The following PSG6 variants were observed in gnomAD, a reference collection of about 807,000 sequenced individuals.
PSG6 encodes pregnancy-specific beta-1-glycoprotein 6.
A neutral mutation model predicts 43.3 loss-of-function variants in PSG6; 51 were observed. The observed-to-expected ratio is 1.18, with a 90% CI of 0.94 to 1.49. PSG6 has a LOEUF of 1.49. Ranked by LOEUF, PSG6 falls within the 40% of genes most tolerant of loss-of-function variation. The pLI, the probability that PSG6 is intolerant of heterozygous loss-of-function variation, is 0.00. For missense variants in PSG6, 770 were observed against 522.2 expected (o/e 1.47, Z -4.62); for synonymous variants, 292 against 197.6 (o/e 1.48, Z -4.01).
At chr19:42,903,541 C>G (rs1972066581) in intron 5 of PSG6, 2 of 1,304,264 alleles carry the variant, frequency 1.5e-6, no homozygotes, top group African/African-American at 1.5e-5. Context: ...AAATTGACAA[C>G]CATTAACTAG....
rs1748908666 is a variant in PSG6, at chr19:42,917,865, C to G, written c.-73G>C. On this transcript the variant is annotated 5_prime_UTR_variant, in exon 1 of 6. Transcript: ENST00000187910. ...CCAGAGACTTCCTGAGCAGGGCTGTCAGGTGTGCTGTCCTTCCTCCTTCTG... is the reference window on the plus strand; with the variant it reads ...CCAGAGACTTCCTGAGCAGGGCTGTGAGGTGTGCTGTCCTTCCTCCTTCTG... The G allele has an allele frequency of 2.6e-6, 4 of 1,543,258 alleles. No individual in the cohort carries two copies. In the South Asian group the frequency reaches 3.6e-5, roughly 14 times the overall value.
rs1063014 is a variant in PSG6 at position 42,906,692 on chromosome 19, C to T, written c.1240+230G>A. The stretch of plus-strand genomic sequence containing the variant: ...CACATAGGGCTCAGGGCTGATAAAG[C>T]CCCCTCCCTACCTTTCTCAGGCCAG... On this transcript the variant is annotated intron_variant, in intron 5 of 5. Coordinates refer to ENST00000187910, the MANE Select transcript of PSG6 (RefSeq NM_001031850.4). 2.3e-5 allele frequency: 33 copies of T among 1,452,442 alleles called. 1 individual carries two copies. The highest frequency in any genetic ancestry group is 2.8e-5 in the Non-Finnish European group (31 of 1,093,948). The allele number at this position is 1,452,442 out of a possible 1,614,324, so 90.0% of individuals were successfully genotyped here.
Position 42,907,862 on chromosome 19 carries a change from G to T in PSG6, c.707-8C>A. 1.9e-6 allele frequency: 3 copies of T among 1,609,394 alleles called. No individual in the cohort carries two copies. Among genetic ancestry groups the T allele is most frequent in the Non-Finnish European group, 2.5e-6 (3 of 1,178,516 alleles). Reference sequence around the variant, plus strand: ...AAGGCATGGGCAGCTTCGCTGTGTGGATAACAGAAGATTGTCCTGTGTGGC... The same window carrying T: ...AAGGCATGGGCAGCTTCGCTGTGTGTATAACAGAAGATTGTCCTGTGTGGC... On this transcript the variant is annotated splice_region_variant and splice_polypyrimidine_tract_variant and intron_variant, in intron 3 of 5. Transcript: ENST00000187910.
intron 4 of PSG6, 112 bp from the exon 5 acceptor site, chr19:42,907,288 A>C: frequency 6.6e-7 from 1 of 1,503,782 alleles, no homozygotes; most frequent in Non-Finnish European, 8.9e-7. Flanking sequence ...CTCAAGTGAC[A>C]GCCAAATCCC....
chr19:42,903,622 G>A, intron 5 of PSG6: 1 of 1,463,634 alleles, frequency 6.8e-7, no homozygotes, highest in Non-Finnish European at 9.0e-7. Flanking sequence ...TGAGCATGGT[G>A]GGTCATGTTT....
At chr19:42,914,044 A>T (rs931281586) in intron 2 of PSG6, among the ~76,000 whole-genome samples, 1 of 151,582 alleles carries the variant, frequency 6.6e-6, no homozygotes, top group Admixed American at 6.6e-5. Flanking sequence ...ATTTTATTTT[A>T]TATTTTTTTG....
Position 42,907,049 on chromosome 19 carries a change from A to G in PSG6, c.1113T>C (p.Phe371=), listed in dbSNP as rs2122623476. 1 of 1,612,684 alleles carries G rather than the reference A, an allele frequency of 6.2e-7. No individual in the cohort carries two copies. Among genetic ancestry groups the G allele is most frequent in the East Asian group, 2.2e-5 (1 of 44,820 alleles). ...TAAAGAGCTTTTGTCCTGATAGCTG[A>G]AACTTCCCATTAATTGTCCAAGAAT... ...AEYSWTINGK[F]QLSGQKLFIP... is the part of the protein sequence containing the mutation. The change falls in exon 5 of 6, where the codon TTT becomes TTC. Residue 371 remains phenylalanine, a synonymous_variant. Coordinates refer to ENST00000187910, the MANE Select transcript of PSG6 (RefSeq NM_001031850.4).
rs1372361950 is a variant in PSG6 at position 42,906,944 on chromosome 19, T to C, written c.1218A>G (p.Lys406=). The C allele has an allele frequency of 1.2e-6, 2 of 1,612,174 alleles. No homozygotes were observed. The highest frequency in any genetic ancestry group is 1.7e-5 in the Admixed American group (1 of 59,868). ...RNSATGKEIS[K]SMIVKVSGPC... The stretch of plus-strand genomic sequence containing the variant: ...TACCAGAGACTTTGACTATCATGGA[T>C]TTGGAGATTTCCTTGCCAGTGGCTG... The change falls in exon 5 of 6, where the codon AAA becomes AAG. Residue 406 remains lysine, a synonymous_variant. Coordinates refer to ENST00000187910, the MANE Select transcript of PSG6 (RefSeq NM_001031850.4).
intron 2 of PSG6, among the ~76,000 whole-genome samples, chr19:42,914,790 C>A (rs915829167): frequency 6.6e-6 from 1 of 151,552 alleles, no homozygotes; most frequent in Non-Finnish European, 1.5e-5. Context: ...TCTCACTGGG[C>A]CTGTGCTGAG....
At chr19:42,906,841 A>G (rs1972120594) in intron 5 of PSG6, 81 bp downstream of exon 5, 1 of 1,609,190 alleles carries the variant, frequency 6.2e-7, no homozygotes, top group East Asian at 2.2e-5. Context: ...CTGGGAATAC[A>G]AATGTTTTCC....
chr19:42,913,034 C>G (rs1335075355), intron 2 of PSG6, among the ~76,000 whole-genome samples: 3 of 151,720 alleles, frequency 2.0e-5, no homozygotes, highest in Non-Finnish European at 2.9e-5. Context: ...TTTTTCCCCA[C>G]TCTTTTTGAG....
Position 42,916,190 on chromosome 19 carries a change from A to G in PSG6, c.362T>C (p.Leu121Ser). The G allele has an allele frequency of 6.2e-7, 1 of 1,612,172 alleles. No homozygotes were observed. The highest frequency in any genetic ancestry group is 1.3e-5 in the African/African-American group (1 of 74,850). The part of the protein sequence containing the change: ...VTQEDAGSYT[L>S]HIIKRGDGTG... The stretch of plus-strand genomic sequence containing the variant: ...CCCATCGCCTCGCTTTATGATGTGT[A>G]AGGTGTAGGATCCTGCATCCTCCTG... Residue 121 changes from leucine (L) to serine (S), a missense_variant, in exon 2 of 6, where the codon TTA becomes TCA. Coordinates refer to ENST00000187910, the MANE Select transcript of PSG6 (RefSeq NM_001031850.4).
At position 42,916,312 on chromosome 19, in the gene PSG6, T is replaced by C. The variant is rs376159791; in HGVS notation, c.240A>G (p.Thr80=). ...GQMTDLYHYI[T]SYVVHGQIIY... is the part of the protein sequence containing the mutation. ...TAATTTGACCGTGTACTACATATGA[T>C]GTAATGTAATGGTAGAGGTCCGTCA... is the stretch of plus-strand genomic sequence containing the variant. The change falls in exon 2 of 6, where the codon ACA becomes ACG. Residue 80 remains threonine, a synonymous_variant. Coordinates refer to ENST00000187910, the MANE Select transcript of PSG6 (RefSeq NM_001031850.4). 221 of 1,612,074 alleles carry C rather than the reference T, an allele frequency of 1.4e-4. 13 individuals carry two copies. The highest frequency in any genetic ancestry group is 1.3e-3 in the South Asian group (117 of 90,622).
At position 42,917,553 on chromosome 19, in the gene PSG6, C is replaced by T. The variant is rs1274708011; in HGVS notation, c.64+176G>A. 2.0e-5 allele frequency among the ~76,000 whole-genome samples: 3 copies of T among 150,944 alleles called. No individual in the cohort carries two copies. In the Admixed American group the frequency reaches 2.0e-4, roughly 10 times the overall value. ...AATTTTTTGTATTTTTTGGTAGAGA[C>T]ACGTCTACACTGTGTTGGCCAGACT... On this transcript the variant is annotated intron_variant, in intron 1 of 5. Transcript: ENST00000187910.
At chr19:42,906,753 C>T (rs1025222836) in intron 5 of PSG6, 169 bp downstream of exon 5, 1 of 1,558,634 alleles carries the variant, frequency 6.4e-7, no homozygotes. Flanking sequence ...GAAAAACAAG[C>T]AGAAGAGAGT....
intron 5 of PSG6, among the ~76,000 whole-genome samples, chr19:42,903,251 C>T (rs1014476975): frequency 7.9e-5 from 12 of 151,522 alleles, no homozygotes; most frequent in African/African-American, 2.7e-4. Flanking sequence ...GAAGAAAGTA[C>T]TCTTATTGCA....
In PSG6 at chr19:42,916,288, A is replaced by AATT. The variant is rs759762364; in HGVS notation, c.261_263dup (p.Ile89dup). 65 of 1,611,826 alleles carry AATT rather than the reference A, an allele frequency of 4.0e-5. No individual in the cohort carries two copies. The African/African-American group carries it at 7.0e-4, about 17-fold the overall frequency. On this transcript the variant is annotated inframe_insertion, in exon 2 of 6. Coordinates refer to ENST00000187910, the MANE Select transcript of PSG6 (RefSeq NM_001031850.4). ...GTCCACTGTAGGCAGGCCCATATAT[A>AATT]ATTTGACCGTGTACTACATATGATG... is the stretch of plus-strand genomic sequence containing the variant.
chr19:42,916,597 C>G (rs1972339966), intron 1 of PSG6, 110 bp from the exon 2 acceptor site: 1 of 1,378,982 alleles, frequency 7.3e-7, no homozygotes, highest in African/African-American at 1.5e-5. Flanking sequence ...TGAAGATATG[C>G]ACACACACAC....
At chr19:42,909,843 A>G (rs62110890) in intron 3 of PSG6, 21,178 of 152,664 alleles carry the variant, frequency 0.14, 2,245 homozygotes, top group East Asian at 0.42. Flanking sequence ...CTTTGCAGAG[A>G]GCAGGTGGCT....
Sources: allele counts gnomAD v4.1 joint callset (sites outside exome capture counted in the v4.1 genomes callset), GRCh38; gene constraint gnomAD v4.1.1; transcripts MANE v1.5; gene names NCBI Gene and HGNC (gene_info 2026-07-23, HGNC 2026-07-21).